Variants in SLC37A1 observed in about 807,000 individuals in gnomAD.
SLC37A1 encodes glucose-6-phosphate exchanger SLC37A1.
A neutral mutation model predicts 75.3 loss-of-function variants in SLC37A1; 49 were observed. The ratio of observed to expected loss-of-function variants is 0.65; its 90% CI spans 0.52 to 0.83. SLC37A1 has a LOEUF of 0.83. Ranked by LOEUF, SLC37A1 falls within the 40% of genes least tolerant of loss-of-function variation. The pLI, the probability that SLC37A1 is intolerant of heterozygous loss-of-function variation, is 0.00. For synonymous variants in SLC37A1, 268 were observed against 292.1 expected (o/e 0.92, Z 0.84); for missense variants, 566 against 695.0 (o/e 0.81, Z 2.09).
intron 9 of SLC37A1, among the ~76,000 whole-genome samples, chr21:42,551,833 GT>G (rs907143957): frequency 2.9e-4 from 40 of 137,012 alleles, no homozygotes; most frequent in African/African-American, 1.4e-3. Flanking sequence ...GTTTTGTTTT[GT>G]TTTTTTGGTT....
At chr21:42,579,964 C>T (rs1260062355) in intron 19 of SLC37A1, among the ~76,000 whole-genome samples, 164 bp downstream of exon 19, 1 of 152,210 alleles carries the variant, frequency 6.6e-6, no homozygotes, top group African/African-American at 2.4e-5. Flanking sequence ...CTAATAAATA[C>T]CTCTGGATGG....
At chr21:42,558,693 CT>C (rs1229604094) in intron 10 of SLC37A1, among the ~76,000 whole-genome samples, 1 of 152,064 alleles carries the variant, frequency 6.6e-6, no homozygotes, top group Non-Finnish European at 1.5e-5. Flanking sequence ...TTATAAGTAT[CT>C]TTTTACTTTT....
Position 42,531,601 on chromosome 21 carries a change from AG to A in SLC37A1, c.139-3096del, listed in dbSNP as rs558418963. On this transcript the variant is annotated intron_variant, in intron 3 of 19. Transcript: ENST00000352133. ...CCCAAAGGACTTGACCCCCTCCCCA[AG>A]TATTTCCGCAGGGATGGTGTGGCTA... 9.7e-4 allele frequency among the ~76,000 whole-genome samples: 147 copies of A among 152,282 alleles called. 2 individuals are homozygous for A. In the South Asian group the frequency reaches 0.012, roughly 12 times the overall value.
At position 42,581,345 on chromosome 21, in the gene SLC37A1, A is replaced by G. The variant is rs985570063; in HGVS notation, c.*985A>G. ...TTGTTATTTATTAAGACAAACTCCA[A>G]TTGTTCTCTGGCTGTTTTTTTCAGT... is the stretch of plus-strand genomic sequence containing the variant. On this transcript the variant is annotated 3_prime_UTR_variant, in exon 20 of 20. Transcript: ENST00000352133. The G allele has an allele frequency of 5.9e-5, 9 of 152,812 alleles. No individual in the cohort carries two copies. Among genetic ancestry groups the G allele is most frequent in the South Asian group, 2.1e-4 (1 of 4,832 alleles). 9.5% of individuals were successfully genotyped at this position (152,812 alleles called of 1,614,324 possible).
intron 3 of SLC37A1, among the ~76,000 whole-genome samples, chr21:42,533,527 C>A (rs559544941): frequency 6.6e-6 from 1 of 152,184 alleles, no homozygotes; most frequent in Non-Finnish European, 1.5e-5. Context: ...AGTGTTGTTC[C>A]TCTTCCCAAG....
At chr21:42,513,585 G>A (rs1568978897), upstream of SLC37A1, among the ~76,000 whole-genome samples, 1 of 151,970 alleles carries the variant, frequency 6.6e-6, no homozygotes, top group South Asian at 2.1e-4. Context: ...GGTGGGGAGC[G>A]CGCCAGCGAA....
At chr21:42,534,951 C>A in intron 4 of SLC37A1, 121 bp downstream of exon 4, 1 of 1,362,630 alleles carries the variant, frequency 7.3e-7, no homozygotes, top group Non-Finnish European at 9.8e-7. Context: ...ACAGCCCTCT[C>A]CTACCAAAAA....
chr21:42,561,427 AG>A, intron 11 of SLC37A1: 1 of 149,152 alleles, frequency 6.7e-6, no homozygotes, highest in South Asian at 2.1e-4. Context: ...ACTGGTCTGT[AG>A]TACTCACAAG....
rs1201838177 is a variant in SLC37A1 at position 42,580,688 on chromosome 21, G to GT, written c.*328_*329insT. On this transcript the variant is annotated 3_prime_UTR_variant, in exon 20 of 20. Transcript: ENST00000352133. ...GACAACAAGGCCGGGAGGGTGGGGG[G>GT]GGTGCACAGGTAGCCCCGACCCTCT... The GT allele has an allele frequency of 2.6e-6, 1 of 390,174 alleles. No homozygotes were observed. The highest frequency in any genetic ancestry group is 2.1e-5 in the African/African-American group (1 of 47,928). The allele number at this position is 390,174 out of a possible 1,614,324, so 24.2% of individuals were successfully genotyped here. A position where few individuals can be genotyped will look rare whatever the true frequency, so the allele number is the denominator to read the frequency against.
chr21:42,556,434 A>G (rs563443993), intron 10 of SLC37A1, among the ~76,000 whole-genome samples: 77 of 152,352 alleles, frequency 5.1e-4, no homozygotes, highest in Non-Finnish European at 5.0e-4. Context: ...CCTTTCCCAA[A>G]GGGAAGCTGC....
At chr21:42,572,677 C>CACACAAAAAAAAAAA (rs1378861804) in intron 17 of SLC37A1, among the ~76,000 whole-genome samples, 103 of 80,476 alleles carry the variant, frequency 1.3e-3, no homozygotes, top group African/African-American at 4.0e-3. Context: ...CACACACACA[C>CACACAAAAAAAAAAA]AAAAAAAAAA....
At chr21:42,549,367 T>C (rs73905686) in intron 9 of SLC37A1, among the ~76,000 whole-genome samples, 11,855 of 152,212 alleles carry the variant, frequency 0.078, 1,523 homozygotes, top group African/African-American at 0.27. Flanking sequence ...CTCGTGTGTA[T>C]GAGTTTGGGG....
intron 8 of SLC37A1, among the ~76,000 whole-genome samples, chr21:42,544,208 G>A (rs776756054): frequency 2.6e-5 from 4 of 152,154 alleles, no homozygotes; most frequent in Non-Finnish European, 1.5e-5. Context: ...GCGGTCACAC[G>A]ACAGGGGCTC....
At chr21:42,551,956 G>A (rs1263841615) in intron 9 of SLC37A1, among the ~76,000 whole-genome samples, 4 of 152,128 alleles carry the variant, frequency 2.6e-5, no homozygotes, top group African/African-American at 7.2e-5. Context: ...TGTGTTTCAC[G>A]TGTTCCTCTA....
At position 42,574,357 on chromosome 21, in the gene SLC37A1, A is replaced by G. The variant is rs149045652; in HGVS notation, c.1424-461A>G. On this transcript the variant is annotated intron_variant, in intron 17 of 19. Transcript: ENST00000352133. ...TTGGATGAAAAGAATGAACATTGCA[A>G]TGTCAACACACATTTTTAGGATGGT... 2.1e-3 allele frequency among the ~76,000 whole-genome samples: 326 copies of G among 152,360 alleles called. 2 individuals are homozygous for G. Among genetic ancestry groups the G allele is most frequent in the Non-Finnish European group, 3.3e-3 (226 of 68,034 alleles).
intron 2 of SLC37A1, among the ~76,000 whole-genome samples, chr21:42,521,010 G>A (rs778676797): frequency 2.0e-5 from 3 of 152,178 alleles, no homozygotes; most frequent in African/African-American, 4.8e-5. Context: ...AGAAATGCAC[G>A]CTCGCCGTAC....
At position 42,581,107 on chromosome 21, in the gene SLC37A1, CACT is replaced by C. The variant is rs1339932909; in HGVS notation, c.*748_*750del. On this transcript the variant is annotated 3_prime_UTR_variant, in exon 20 of 20. Coordinates refer to ENST00000352133, the MANE Select transcript of SLC37A1 (RefSeq NM_001320537.2). ...TTCCTGCTGCCCTCCGGGGCCATGG[CACT>C]GCTGTTCAGCTCAGGCACAGGGGCA... 6.6e-6 allele frequency: 1 copy of C among 152,670 alleles called. No homozygotes were observed. Among genetic ancestry groups the C allele is most frequent in the Non-Finnish European group, 1.5e-5 (1 of 68,198 alleles). 9.5% of individuals were successfully genotyped at this position (152,670 alleles called of 1,614,324 possible).
chr21:42,543,322 C>G (rs1388521695), intron 7 of SLC37A1, 114 bp from the exon 8 acceptor site: 2 of 1,181,656 alleles, frequency 1.7e-6, no homozygotes, highest in Non-Finnish European at 2.5e-6. Flanking sequence ...CTGCATGGCC[C>G]CCCGTTGATT....
At chr21:42,576,016 T>C (rs2056300429) in intron 18 of SLC37A1, 1 of 940,068 alleles carries the variant, frequency 1.1e-6, no homozygotes, top group African/African-American at 1.8e-5. Flanking sequence ...ATTGTTTTGA[T>C]GCTTAGCCAA....
Sources: gnomAD v4.1 joint callset for allele counts (sites outside exome capture counted in the v4.1 genomes callset) on GRCh38, gnomAD v4.1.1 for gene constraint, MANE v1.5 for transcripts, NCBI Gene and HGNC (gene_info 2026-07-23, HGNC 2026-07-21) for gene names.